ADGRA3: variants seen among roughly 807,000 people sequenced by gnomAD.
ADGRA3 encodes the protein adhesion G protein-coupled receptor A3, also known as G-protein coupled receptor 125.
ADGRA3 carries 56 observed loss-of-function variants against 119.8 expected under a neutral mutation model. The ratio of observed to expected loss-of-function variants is 0.47; its 90% CI spans 0.38 to 0.58. ADGRA3 has a LOEUF of 0.58. Ranked by LOEUF, ADGRA3 falls within the 20% of genes least tolerant of loss-of-function variation. ADGRA3 has a pLI of 0.00. For missense variants in ADGRA3, 1,516 were observed against 1,649.0 expected, an observed-to-expected ratio of 0.92 and a Z score of 1.40; for synonymous variants, 607 against 623.8, an observed-to-expected ratio of 0.97 and a Z score of 0.40.
intron 17 of ADGRA3, among the ~76,000 whole-genome samples, chr4:22,391,344 A>G (rs115437274): frequency 0.02 from 2,970 of 151,566 alleles, 39 homozygotes; most frequent in Non-Finnish European, 0.028. Context: ...TGCTTTTCCT[A>G]TCTTATTTCT....
chr4:22,402,693 C>G lies in ADGRA3; in HGVS notation c.2339G>C (p.Ser780Thr), dbSNP rs759285934. ...LLLCLLAVIV[S>T]YIYHHSLIRI... Reference sequence around the variant, plus strand: ...TTCTTACCTGTGATGGTATATGTAACTGACAATGACGGCTAAGAGACATAA... The same window carrying G: ...TTCTTACCTGTGATGGTATATGTAAGTGACAATGACGGCTAAGAGACATAA... Residue 780 changes from serine (S) to threonine (T), a missense_variant, in exon 15 of 19, where the codon AGT (serine) becomes ACT (threonine). Ser to Thr is a moderately conservative substitution (Grantham distance 58, BLOSUM62 1). Around this residue, in one of 2 missense-constraint regions of ADGRA3, gnomAD observed 1,088 missense variants for 1,107.1 expected, o/e 0.98. Coordinates refer to ENST00000334304, the MANE Select transcript of ADGRA3 (RefSeq NM_145290.4). The G allele has an allele frequency of 8.7e-6, 14 of 1,613,660 alleles. No homozygotes were observed. The highest frequency in any genetic ancestry group is 1.2e-5 in the Non-Finnish European group (14 of 1,179,756).
At chr4:22,417,224 T>C (rs1715462995) in intron 12 of ADGRA3, among the ~76,000 whole-genome samples, 1 of 152,202 alleles carries the variant, frequency 6.6e-6, no homozygotes, top group Admixed American at 6.5e-5. Flanking sequence ...ACTGACTTTG[T>C]TTGCTAATTA....
At chr4:22,440,158 T>A (rs1479617491) in intron 7 of ADGRA3, among the ~76,000 whole-genome samples, 1 of 152,132 alleles carries the variant, frequency 6.6e-6, no homozygotes, top group African/African-American at 2.4e-5. Flanking sequence ...AAGTCCAGCA[T>A]CCCAAACACT....
At chr4:22,472,761 T>G (rs1447163366) in intron 2 of ADGRA3, among the ~76,000 whole-genome samples, 2 of 151,786 alleles carry the variant, frequency 1.3e-5, no homozygotes, top group Non-Finnish European at 2.9e-5. Context: ...CGCAGAGAAG[T>G]GGAGAAAGTG....
At chr4:22,500,815 A>G (rs931819860) in intron 1 of ADGRA3, among the ~76,000 whole-genome samples, 4 of 152,140 alleles carry the variant, frequency 2.6e-5, no homozygotes, top group Non-Finnish European at 4.4e-5. Context: ...GATCCTCCCT[A>G]ATCCACTTTG....
chr4:22,501,172 A>C (rs575623965), intron 1 of ADGRA3, among the ~76,000 whole-genome samples: 3 of 152,120 alleles, frequency 2.0e-5, no homozygotes, highest in Admixed American at 1.3e-4. Flanking sequence ...TCTTAAATCT[A>C]TCTCTTCATC....
chr4:22,496,678 T>G (rs1412395528), intron 1 of ADGRA3, among the ~76,000 whole-genome samples: 1 of 152,206 alleles, frequency 6.6e-6, no homozygotes, highest in African/African-American at 2.4e-5. Context: ...AGACCTTTTG[T>G]AAATATAAGT....
chr4:22,403,994 G>A (rs985508128), intron 14 of ADGRA3, among the ~76,000 whole-genome samples: 5 of 152,070 alleles, frequency 3.3e-5, no homozygotes, highest in Non-Finnish European at 7.4e-5. Context: ...CTGCCTCTCC[G>A]AAATGAAAAC....
intron 16 of ADGRA3, among the ~76,000 whole-genome samples, chr4:22,398,898 A>C (rs1714489057): frequency 6.6e-6 from 1 of 152,190 alleles, no homozygotes; most frequent in Non-Finnish European, 1.5e-5. Context: ...CTCTGAGTAC[A>C]GGAGTGGGGC....
intron 1 of ADGRA3, among the ~76,000 whole-genome samples, chr4:22,495,335 A>T (rs28414141): frequency 6.6e-6 from 1 of 152,018 alleles, no homozygotes; most frequent in African/African-American, 2.4e-5. Flanking sequence ...GCACATTGAG[A>T]GTCGGATCGC....
intron 12 of ADGRA3, 63 bp downstream of exon 12, chr4:22,420,823 G>C: frequency 1.3e-6 from 2 of 1,483,484 alleles, no homozygotes; most frequent in South Asian, 2.3e-5. Flanking sequence ...TTGCGAAGCA[G>C]AACATTTGGA....
chr4:22,402,941 C>T (rs897715792), intron 14 of ADGRA3, 142 bp from the exon 15 acceptor site: 37 of 753,870 alleles, frequency 4.9e-5, no homozygotes, highest in Non-Finnish European at 6.8e-5. Context: ...TAATGTTTCA[C>T]GCTATTTTCC....
At chr4:22,427,059 G>A (rs1161421187) in intron 10 of ADGRA3, among the ~76,000 whole-genome samples, 2 of 152,132 alleles carry the variant, frequency 1.3e-5, no homozygotes, top group Non-Finnish European at 2.9e-5. Context: ...GAATAACTTA[G>A]TTAAGATTTT....
intron 1 of ADGRA3, among the ~76,000 whole-genome samples, chr4:22,498,379 G>C (rs1718920642): frequency 6.6e-6 from 1 of 152,090 alleles, no homozygotes; most frequent in Non-Finnish European, 1.5e-5. Flanking sequence ...AGCACTTTGG[G>C]AGGCCAAGTT....
chr4:22,444,279 A>G (rs1304885736), intron 6 of ADGRA3, among the ~76,000 whole-genome samples: 2 of 152,140 alleles, frequency 1.3e-5, no homozygotes, highest in African/African-American at 4.8e-5. Context: ...TACTAGATCT[A>G]ACTGTATCAG....
intron 1 of ADGRA3, among the ~76,000 whole-genome samples, chr4:22,486,595 G>A (rs1577377514): frequency 6.6e-6 from 1 of 152,172 alleles, no homozygotes; most frequent in Non-Finnish European, 1.5e-5. Flanking sequence ...CTCAAAGAAA[G>A]GGAGGCAGAT....
chr4:22,389,547 C>T (rs1714021828), intron 17 of ADGRA3, among the ~76,000 whole-genome samples: 1 of 151,610 alleles, frequency 6.6e-6, no homozygotes, highest in Admixed American at 6.6e-5. Context: ...TAGATTCAGC[C>T]GGTGAACTGA....
At chr4:22,502,995 G>A (rs1036057112) in intron 1 of ADGRA3, among the ~76,000 whole-genome samples, 21 of 151,812 alleles carry the variant, frequency 1.4e-4, no homozygotes, top group African/African-American at 4.3e-4. Flanking sequence ...AGATAAATAT[G>A]GCCATCAAGA....
At chr4:22,484,495 C>G (rs895685055) in intron 1 of ADGRA3, among the ~76,000 whole-genome samples, 15 of 151,570 alleles carry the variant, frequency 9.9e-5, no homozygotes, top group Admixed American at 1.3e-4. Context: ...ATCCCAGCTA[C>G]TAGGAAGGCT....
Sources: allele counts gnomAD v4.1 joint callset (sites outside exome capture counted in the v4.1 genomes callset), GRCh38; gene constraint gnomAD v4.1.1; regional missense constraint gnomAD v4.1.1; transcripts MANE v1.5; gene names NCBI Gene and HGNC (gene_info 2026-07-23, HGNC 2026-07-21).